Variants in VWA3B observed in about 807,000 individuals in gnomAD.
VWA3B encodes von Willebrand factor A domain containing 3B.
VWA3B carries 138 observed loss-of-function variants against 158.3 expected under a neutral mutation model. That is an observed-to-expected ratio of 0.87 (90% CI 0.76 to 1.00). The LOEUF is 1.00. Among genes scored for constraint, VWA3B ranks in the 50% least tolerant of loss-of-function variants. The pLI is 0.00. For synonymous variants in VWA3B, 596 were observed against 587.3 expected, an observed-to-expected ratio of 1.01 and a Z score of -0.21; for missense variants, 1,555 against 1,565.1, an observed-to-expected ratio of 0.99 and a Z score of 0.11.
At chr2:98,208,811 G>C (rs1221465724) in intron 12 of VWA3B, among the ~76,000 whole-genome samples, 2 of 152,106 alleles carry the variant, frequency 1.3e-5, no homozygotes, top group African/African-American at 4.8e-5. Flanking sequence ...TATCTATTAT[G>C]CTTACTTTTA....
At chr2:98,269,665 A>C (rs1274857291) in intron 21 of VWA3B, among the ~76,000 whole-genome samples, 2 of 151,932 alleles carry the variant, frequency 1.3e-5, no homozygotes, top group Non-Finnish European at 2.9e-5. Context: ...AAGCTTTCTT[A>C]CTCTCCTTCA....
intron 20 of VWA3B, among the ~76,000 whole-genome samples, chr2:98,255,411 T>TGCAGGC (rs369194667): frequency 0.13 from 20,107 of 151,522 alleles, 2,020 homozygotes; most frequent in Non-Finnish European, 0.19. Flanking sequence ...GAAAGCCTGC[T>TGCAGGC]TTTGGGTAAT....
At chr2:98,173,216 T>A (rs1219766881) in intron 8 of VWA3B, among the ~76,000 whole-genome samples, 3 of 152,238 alleles carry the variant, frequency 2.0e-5, no homozygotes, top group African/African-American at 7.2e-5. Flanking sequence ...TGGTTTCTTA[T>A]GCAACCAGAA....
At chr2:98,108,552 G>A (rs912959838) in intron 2 of VWA3B, among the ~76,000 whole-genome samples, 24 of 152,110 alleles carry the variant, frequency 1.6e-4, no homozygotes, top group African/African-American at 5.1e-4. Flanking sequence ...TACACATTTA[G>A]GATTGCTATG....
At position 98,220,287 on chromosome 2, in the gene VWA3B, A is replaced by G. The variant is rs180837846; in HGVS notation, c.2019+2259A>G. On this transcript the variant is annotated intron_variant, in intron 14 of 27. Transcript: ENST00000477737. ...CAGAAGGAAAACCTTACCAGATAGA[A>G]ATATGAGTCTATGCTAAGGAATAAA... is the stretch of plus-strand genomic sequence containing the variant. 2.6e-5 allele frequency among the ~76,000 whole-genome samples: 4 copies of G among 152,284 alleles called. No individual in the cohort carries two copies. The East Asian group carries it at 7.7e-4, about 29-fold the overall frequency.
chr2:98,144,532 A>G lies in VWA3B; in HGVS notation c.988+10593A>G, dbSNP rs1573897026. Among the ~76,000 whole-genome samples, 3 of 151,560 alleles carry G rather than the reference A, an allele frequency of 2.0e-5. No individual in the cohort carries two copies. The South Asian group carries it at 6.3e-4, about 32-fold the overall frequency. On this transcript the variant is annotated intron_variant, in intron 7 of 27. Coordinates refer to ENST00000477737, the MANE Select transcript of VWA3B (RefSeq NM_144992.5). ...TTCGAGAAGGGCTTCCTTCCATTCA[A>G]GGAATAATGGTGCCCATAGGGTTTT...
chr2:98,299,113 CCT>C (rs1690022588), intron 24 of VWA3B, among the ~76,000 whole-genome samples: 2 of 152,166 alleles, frequency 1.3e-5, no homozygotes, highest in Non-Finnish European at 2.9e-5. Flanking sequence ...AGGTTCCCTG[CCT>C]CAGACCCAGA....
intron 13 of VWA3B, among the ~76,000 whole-genome samples, chr2:98,213,851 T>C (rs538507471): frequency 6.6e-6 from 1 of 152,246 alleles, no homozygotes; most frequent in South Asian, 2.1e-4. Flanking sequence ...ATTTTTAAAA[T>C]TGTTTACACT....
Position 98,311,910 on chromosome 2 carries a change from C to G in VWA3B, c.3613C>G (p.Pro1205Ala). The G allele has an allele frequency of 1.2e-6, 2 of 1,610,702 alleles. No individual in the cohort carries two copies. Among genetic ancestry groups the G allele is most frequent in the Non-Finnish European group, 1.7e-6 (2 of 1,178,524 alleles). The change falls in exon 27 of 28, where the codon CCC becomes GCC. Residue 1205 changes from proline (P) to alanine (A), a missense_variant. Coordinates refer to ENST00000477737, the MANE Select transcript of VWA3B (RefSeq NM_144992.5). Reference protein sequence around the residue: ...QDSREPRREKPRRKKRPAKQP... With the variant: ...QDSREPRREKARRKKRPAKQP... ...TTCCAGAGAGCCAAGACGAGAGAAG[C>G]CCAGGAGGAAAAAGAGGCCCGCCAA...
chr2:98,130,957 G>T (rs962637663), intron 6 of VWA3B, among the ~76,000 whole-genome samples: 1 of 152,102 alleles, frequency 6.6e-6, no homozygotes, highest in Non-Finnish European at 1.5e-5. Flanking sequence ...TCTGGCTATT[G>T]TGAAATATAA....
intron 26 of VWA3B, 60 bp downstream of exon 26, chr2:98,303,862 G>A: frequency 1.3e-6 from 2 of 1,522,842 alleles, no homozygotes; most frequent in Non-Finnish European, 1.8e-6. Flanking sequence ...CCTTTAATCT[G>A]TTTTTGAGAT....
In VWA3B at chr2:98,288,118, T is replaced by G. The variant is rs956815586; in HGVS notation, c.3046-2393T>G. 2.0e-5 allele frequency among the ~76,000 whole-genome samples: 3 copies of G among 152,360 alleles called. No individual in the cohort carries two copies. The South Asian group carries it at 6.2e-4, about 32-fold the overall frequency. On this transcript the variant is annotated intron_variant, in intron 22 of 27. Coordinates refer to ENST00000477737, the MANE Select transcript of VWA3B (RefSeq NM_144992.5). The stretch of plus-strand genomic sequence containing the variant: ...ATTCCAATATCTGAGCCTTCCCAAT[T>G]TGGGACTCTATTGATTGCCTTTTAC...
chr2:98,283,039 T>C (rs1688975180), intron 22 of VWA3B, among the ~76,000 whole-genome samples: 1 of 152,252 alleles, frequency 6.6e-6, no homozygotes, highest in African/African-American at 2.4e-5. Context: ...ACCTCCCAGA[T>C]TTATACCTTT....
In VWA3B at chr2:98,274,866, T is replaced by C. The variant is rs560148372; in HGVS notation, c.3045+3983T>C. Among the ~76,000 whole-genome samples, 4 of 152,192 alleles carry C rather than the reference T, an allele frequency of 2.6e-5. No individual in the cohort carries two copies. In the East Asian group the frequency reaches 7.7e-4, roughly 29 times the overall value. On this transcript the variant is annotated intron_variant, in intron 22 of 27. Transcript: ENST00000477737. ...AGAGAACAGGTAACAGAGACATGGG[T>C]TATGGGAAAGTAGGCCATGTGGGGC...
chr2:98,284,827 A>G (rs1689071706), intron 22 of VWA3B, among the ~76,000 whole-genome samples: 2 of 152,230 alleles, frequency 1.3e-5, no homozygotes, highest in Non-Finnish European at 2.9e-5. Context: ...GTTAAGAAAG[A>G]AAAAAGAAAT....
At chr2:98,107,592 T>C (rs1673772938) in intron 2 of VWA3B, among the ~76,000 whole-genome samples, 2 of 152,132 alleles carry the variant, frequency 1.3e-5, no homozygotes, top group African/African-American at 4.8e-5. Context: ...TATTTTATAT[T>C]GTGTGAGTTG....
At chr2:98,126,126 C>T (rs997893087) in intron 5 of VWA3B, among the ~76,000 whole-genome samples, 4 of 152,124 alleles carry the variant, frequency 2.6e-5, no homozygotes, top group Non-Finnish European at 4.4e-5. Context: ...ATTAAGAAGC[C>T]GAGTAATGAA....
intron 13 of VWA3B, among the ~76,000 whole-genome samples, chr2:98,212,478 T>G (rs1303506330): frequency 6.6e-6 from 1 of 152,224 alleles, no homozygotes; most frequent in African/African-American, 2.4e-5. Flanking sequence ...AAATGTCCTT[T>G]GTTTTGTTTA....
chr2:98,093,489 A>G (rs1261585244), intron 2 of VWA3B, among the ~76,000 whole-genome samples: 2 of 152,242 alleles, frequency 1.3e-5, no homozygotes, highest in Non-Finnish European at 2.9e-5. Flanking sequence ...CATGTATTAA[A>G]TAATGCTTAA....
Sources: gnomAD v4.1 joint callset for allele counts (sites outside exome capture counted in the v4.1 genomes callset) on GRCh38, gnomAD v4.1.1 for gene constraint, MANE v1.5 for transcripts, NCBI Gene and HGNC (gene_info 2026-07-23, HGNC 2026-07-21) for gene names.